The following CNTN2 variants were observed in gnomAD, a reference collection of about 807,000 sequenced individuals.
The protein encoded by CNTN2 is contactin-2.
In CNTN2, 53 loss-of-function variants were observed where a neutral mutation model predicts 117.5. The observed-to-expected ratio is 0.45, with a 90% CI of 0.36 to 0.57. The LOEUF is 0.57. Among genes scored for constraint, CNTN2 ranks in the 20% least tolerant of loss-of-function variants. The pLI, the probability that CNTN2 is intolerant of heterozygous loss-of-function variation, is 0.00. For synonymous variants in CNTN2, 530 were observed against 561.7 expected (o/e 0.94, Z 0.80); for missense variants, 1,106 against 1,404.3 (o/e 0.79, Z 3.39).
chr1:205,066,356 C>T (rs1654290393), intron 14 of CNTN2, 85 bp from the exon 15 acceptor site: 1 of 1,514,114 alleles, frequency 6.6e-7, no homozygotes. Context: ...TGGTACTGTA[C>T]CAGCTCAAGC....
At position 205,065,691 on chromosome 1, in the gene CNTN2, A is replaced by G; in HGVS notation, c.1696-98A>G. 1.7e-6 allele frequency: 1 copy of G among 603,288 alleles called. No homozygotes were observed. Among genetic ancestry groups the G allele is most frequent in the Non-Finnish European group, 2.9e-6 (1 of 342,920 alleles). 37.4% of individuals were successfully genotyped at this position (603,288 alleles called of 1,614,324 possible). A position where few individuals can be genotyped will look rare whatever the true frequency, so the allele number is the denominator to read the frequency against. Reference sequence around the variant, plus strand: ...CCAGTGGGGTCCATGGATGTCATGGAGTAGGGGACTCCCAAGCGCTGCCTC... The same window carrying G: ...CCAGTGGGGTCCATGGATGTCATGGGGTAGGGGACTCCCAAGCGCTGCCTC... On this transcript the variant is annotated intron_variant, in intron 13 of 22. Transcript: ENST00000331830. The surrounding 1 kb of genome is among the most constrained non-coding windows in gnomAD (Gnocchi z 4.1).
intron 15 of CNTN2, 129 bp from the exon 16 acceptor site, chr1:205,066,972 G>T: frequency 8.6e-7 from 1 of 1,157,424 alleles, no homozygotes; most frequent in Non-Finnish European, 1.2e-6. Flanking sequence ...AAAAGGTACT[G>T]AGTGCTTAGT....
chr1:205,059,185 A>T lies in CNTN2; in HGVS notation c.589A>T (p.Thr197Ser). ...CACAGGGAACCTGTACATTGCCCGA[A>T]CCAATGCCTCAGACCTGGGCAACTA... Reference protein sequence around the residue: ...QTTGNLYIARTNASDLGNYSC... With the variant: ...QTTGNLYIARSNASDLGNYSC... Residue 197 changes from threonine (T) to serine (S), a missense_variant, in exon 6 of 23, where the codon ACC becomes TCC. By Grantham distance (58) the Thr-to-Ser change is moderately conservative. Coordinates refer to ENST00000331830, the MANE Select transcript of CNTN2 (RefSeq NM_005076.5). The surrounding 1 kb of genome is among the most constrained non-coding windows in gnomAD (Gnocchi z 5.6). 1 of 1,614,144 alleles carries T rather than the reference A, an allele frequency of 6.2e-7. No individual in the cohort carries two copies. Among genetic ancestry groups the T allele is most frequent in the Non-Finnish European group, 8.5e-7 (1 of 1,180,026 alleles).
At chr1:205,056,374 T>C (rs970405081) in intron 2 of CNTN2, among the ~76,000 whole-genome samples, 2 of 152,146 alleles carry the variant, frequency 1.3e-5, no homozygotes, top group African/African-American at 4.8e-5. Context: ...CCAGCCGAGA[T>C]GATGCCGTCA....
At chr1:205,045,240 G>A (rs2096439483) in intron 1 of CNTN2, among the ~76,000 whole-genome samples, 2 of 151,852 alleles carry the variant, frequency 1.3e-5, no homozygotes, top group East Asian at 1.9e-4. Flanking sequence ...TTCTTTCCTC[G>A]CACTCCCTTC....
chr1:205,073,818 A>G lies in CNTN2; in HGVS notation c.*53A>G. The G allele has an allele frequency of 6.8e-7, 1 of 1,466,722 alleles. No individual in the cohort carries two copies. The highest frequency in any genetic ancestry group is 9.4e-7 in the Non-Finnish European group (1 of 1,058,662). 90.9% of individuals were successfully genotyped at this position (1,466,722 alleles called of 1,614,324 possible). ...GCTGGACGCCACCTCCGACGGACAC[A>G]GCCAGCCCCTTCCTGCTGCCAAGGT... On this transcript the variant is annotated 3_prime_UTR_variant, in exon 23 of 23. Transcript: ENST00000331830. The surrounding 1 kb of genome is among the most constrained non-coding windows in gnomAD (Gnocchi z 6.3).
chr1:205,069,850 C>T lies in CNTN2; in HGVS notation c.2220C>T (p.Asn740=), dbSNP rs555613744. 4 of 1,613,866 alleles carry T rather than the reference C, an allele frequency of 2.5e-6. No homozygotes were observed. The highest frequency in any genetic ancestry group is 2.2e-5 in the East Asian group (1 of 44,872). The change falls in exon 18 of 23, where the codon AAC becomes AAT. Residue 740 remains asparagine, a synonymous_variant. Coordinates refer to ENST00000331830, the MANE Select transcript of CNTN2 (RefSeq NM_005076.5). ...NWTPMSREYQ[N]GDGFGYLLSF... is the part of the protein sequence containing the mutation. ...AGCCCATGTCACGGGAGTACCAGAA[C>T]GGAGACGGCTTCGGCTACCTGCTGT...
Position 205,062,434 on chromosome 1 carries a change from G to A in CNTN2, c.1111-6G>A. 1 of 1,611,068 alleles carries A rather than the reference G, an allele frequency of 6.2e-7. No individual in the cohort carries two copies. Among genetic ancestry groups the A allele is most frequent in the Non-Finnish European group, 8.5e-7 (1 of 1,178,510 alleles). On this transcript the variant is annotated splice_polypyrimidine_tract_variant and splice_region_variant and intron_variant, in intron 9 of 22. Transcript: ENST00000331830. ...ATCCCCCTGGGCTCTGGGCTCTTCT[G>A]CACAGAACCGGGTGGAGGTGTTGGC...
chr1:205,073,606 G>A lies in CNTN2; in HGVS notation c.3014-50G>A. The A allele has an allele frequency of 6.6e-7, 1 of 1,524,214 alleles. No homozygotes were observed. Among genetic ancestry groups the A allele is most frequent in the South Asian group, 1.1e-5 (1 of 88,244 alleles). 94.4% of individuals were successfully genotyped at this position (1,524,214 alleles called of 1,614,324 possible). ...AAGGTCTCAATCTTGCCACAAGGGT[G>A]GGGCTAGGGTAGTCCCAGGCCCAGC... On this transcript the variant is annotated intron_variant, in intron 22 of 22. Transcript: ENST00000331830. The surrounding 1 kb of genome is among the most constrained non-coding windows in gnomAD (Gnocchi z 6.3).
chr1:205,062,351 G>C (rs1654034174), intron 9 of CNTN2, 89 bp from the exon 10 acceptor site: 3 of 1,487,884 alleles, frequency 2.0e-6, no homozygotes, highest in Non-Finnish European at 2.7e-6. Context: ...TATCAGCCTA[G>C]AGTCTCCACT....
At chr1:205,054,159 C>T (rs576385776) in intron 2 of CNTN2, among the ~76,000 whole-genome samples, 41 of 152,344 alleles carry the variant, frequency 2.7e-4, no homozygotes, top group African/African-American at 9.4e-4. Context: ...TGCTTCTTTT[C>T]TCCTTAAACA....
At chr1:205,067,347 C>G (rs1465584973) in intron 16 of CNTN2, 97 bp downstream of exon 16, 1 of 1,434,886 alleles carries the variant, frequency 7.0e-7, no homozygotes, top group Non-Finnish European at 9.5e-7. Context: ...TGCTGAGTTC[C>G]AACCCTGCTC....
chr1:205,048,053 G>A lies in CNTN2; in HGVS notation c.-87+4659G>A, dbSNP rs763862197. 6.6e-6 allele frequency among the ~76,000 whole-genome samples: 1 copy of A among 152,190 alleles called. No individual in the cohort carries two copies. The highest frequency in any genetic ancestry group is 2.4e-5 in the African/African-American group (1 of 41,444). ...TGCTGTTTTATAGGATAGAGGTCAAGCGGGGGCCTGAAGGGCTCCTCAAGT... is the reference window on the plus strand; with the variant it reads ...TGCTGTTTTATAGGATAGAGGTCAAACGGGGGCCTGAAGGGCTCCTCAAGT... On this transcript the variant is annotated intron_variant, in intron 1 of 22. Coordinates refer to ENST00000331830, the MANE Select transcript of CNTN2 (RefSeq NM_005076.5). The surrounding 1 kb of genome is among the most constrained non-coding windows in gnomAD (Gnocchi z 4.1).
In CNTN2 at chr1:205,074,848, G is replaced by C. The variant is rs1025403884; in HGVS notation, c.*1083G>C. 1.0e-5 allele frequency: 4 copies of C among 398,516 alleles called. No homozygotes were observed. Among genetic ancestry groups the C allele is most frequent in the Non-Finnish European group, 1.8e-5 (4 of 226,086 alleles). The allele number at this position is 398,516 out of a possible 1,614,324, so 24.7% of individuals were successfully genotyped here. On this transcript the variant is annotated 3_prime_UTR_variant, in exon 23 of 23. Transcript: ENST00000331830. Reference sequence around the variant, plus strand: ...GCAGAGGATAAATGTGGCCCTGCCTGCTCCCAGGTATACCTAGGACCACCT... The same window carrying C: ...GCAGAGGATAAATGTGGCCCTGCCTCCTCCCAGGTATACCTAGGACCACCT...
rs540663619 is a variant in CNTN2, at chr1:205,066,006, A to C, written c.1816+97A>C. On this transcript the variant is annotated intron_variant, in intron 14 of 22. Coordinates refer to ENST00000331830, the MANE Select transcript of CNTN2 (RefSeq NM_005076.5). ...CCTCATCTCCCCTCCCTTCCCTCAA[A>C]GCTGCGGGGAAGGGCTTCCGGCGGA... is the stretch of plus-strand genomic sequence containing the variant. 4.7e-4 allele frequency: 673 copies of C among 1,430,138 alleles called. 4 individuals carry two copies. In the African/African-American group the frequency reaches 8.5e-3, roughly 18 times the overall value. 88.6% of individuals were successfully genotyped at this position (1,430,138 alleles called of 1,614,324 possible).
Position 205,061,705 on chromosome 1 carries a change from CCTT to C in CNTN2, c.974-155_974-153del. 9.8e-7 allele frequency: 1 copy of C among 1,018,760 alleles called. No homozygotes were observed. Among genetic ancestry groups the C allele is most frequent in the South Asian group, 1.7e-5 (1 of 57,632 alleles). 63.1% of individuals were successfully genotyped at this position (1,018,760 alleles called of 1,614,324 possible). A position where few individuals can be genotyped will look rare whatever the true frequency, so the allele number is the denominator to read the frequency against. ...ACAGAGTGCCAGCTTTCTTGTGCCT[CCTT>C]CTTCCGGCCCCCTCCTCTTTGTCCT... On this transcript the variant is annotated intron_variant, in intron 8 of 22. Transcript: ENST00000331830. This position sits in a 1 kb window ranked among gnomAD's most constrained non-coding sequence, Gnocchi z 4.8.
chr1:205,055,007 G>GTTGTTT (rs917847371), intron 2 of CNTN2, among the ~76,000 whole-genome samples: 1 of 151,910 alleles, frequency 6.6e-6, no homozygotes, highest in African/African-American at 2.4e-5. Flanking sequence ...TGTTGTTGTT[G>GTTGTTT]TTTGCGGGTT....
intron 1 of CNTN2, among the ~76,000 whole-genome samples, chr1:205,051,567 G>A (rs1403410859): frequency 6.6e-6 from 1 of 152,132 alleles, no homozygotes; most frequent in African/African-American, 2.4e-5. Flanking sequence ...AATCGGAAGT[G>A]GATATGAGGC....
intron 1 of CNTN2, among the ~76,000 whole-genome samples, chr1:205,045,397 C>T (rs7542040): frequency 0.018 from 2,748 of 152,228 alleles, 96 homozygotes; most frequent in African/African-American, 0.061. Context: ...GATGGGCCTC[C>T]GAGGAATTGT....
Sources: gnomAD v4.1 joint callset for allele counts (sites outside exome capture counted in the v4.1 genomes callset) on GRCh38, gnomAD v4.1.1 for gene constraint, Gnocchi (gnomAD v3.1) non-coding constraint, MANE v1.5 for transcripts, NCBI Gene and HGNC (gene_info 2026-07-23, HGNC 2026-07-21) for gene names.